The following JMJD1C variants were observed in gnomAD, a reference collection of about 807,000 sequenced individuals.
JMJD1C encodes jumonji domain containing 1C.
JMJD1C carries 31 observed loss-of-function variants against 245.3 expected under a neutral mutation model. That is an observed-to-expected ratio of 0.13 (90% CI 0.09 to 0.17). The LOEUF is 0.17. Among genes scored for constraint, JMJD1C ranks in the 10% least tolerant of loss-of-function variants. The probability of loss-of-function intolerance (pLI) is 1.00; values close to 1 mark genes in which losing one functional copy is unlikely to be tolerated. For missense variants in JMJD1C, 2,691 were observed against 3,000.2 expected (o/e 0.90, Z 2.41); for synonymous variants, 1,057 against 1,017.4 (o/e 1.04, Z -0.74).
intron 3 of JMJD1C, among the ~76,000 whole-genome samples, chr10:63,255,012 C>T (rs2133676573): frequency 6.6e-6 from 1 of 152,052 alleles, no homozygotes; most frequent in East Asian, 1.9e-4. Flanking sequence ...CACCACCATG[C>T]CCTGCTAATT....
chr10:63,357,920 T>C (rs557573559), intron 2 of JMJD1C, among the ~76,000 whole-genome samples: 6 of 134,210 alleles, frequency 4.5e-5, no homozygotes, highest in East Asian at 4.6e-4. Flanking sequence ...CAAAACAGAC[T>C]TCCCCTGCCA....
chr10:63,217,158 T>G (rs1466557475), intron 5 of JMJD1C, 49 bp downstream of exon 5: 1 of 1,532,182 alleles, frequency 6.5e-7, no homozygotes, highest in Non-Finnish European at 8.9e-7. Context: ...GGGGCATGGA[T>G]GATTTGAACT....
intron 24 of JMJD1C, among the ~76,000 whole-genome samples, chr10:63,175,239 T>C (rs959287708): frequency 4.6e-5 from 7 of 152,190 alleles, no homozygotes; most frequent in Non-Finnish European, 8.8e-5. Context: ...AAAGAAATGG[T>C]GTATAGGGTG....
At chr10:63,314,738 C>T (rs1162779583) in intron 2 of JMJD1C, among the ~76,000 whole-genome samples, 1 of 151,944 alleles carries the variant, frequency 6.6e-6, no homozygotes, top group Non-Finnish European at 1.5e-5. Context: ...ACCTCCACCA[C>T]CTGGGTTCAA....
chr10:63,318,708 T>C lies in JMJD1C; in HGVS notation c.334-53944A>G, dbSNP rs1004154824. Reference sequence around the variant, plus strand: ...AAAAAGTTTCTTTGGCATAGATAATTTGAGAAGTACTGACCTAGACTTTTA... The same window carrying C: ...AAAAAGTTTCTTTGGCATAGATAATCTGAGAAGTACTGACCTAGACTTTTA... On this transcript the variant is annotated intron_variant, in intron 2 of 25. Coordinates refer to ENST00000399262, the MANE Select transcript of JMJD1C (RefSeq NM_032776.3). Among the ~76,000 whole-genome samples the C allele has an allele frequency of 7.9e-5, 12 of 152,298 alleles. No individual in the cohort carries two copies. In the South Asian group the frequency reaches 2.3e-3, roughly 29 times the overall value.
chr10:63,209,335 T>C, intron 8 of JMJD1C, 100 bp from the exon 9 acceptor site: 1 of 903,764 alleles, frequency 1.1e-6, no homozygotes, highest in Admixed American at 3.6e-5. Flanking sequence ...TGGTGGTTTA[T>C]TAGTTCATTC....
chr10:63,391,063 T>G (rs1948014549), intron 1 of JMJD1C, among the ~76,000 whole-genome samples: 1 of 152,148 alleles, frequency 6.6e-6, no homozygotes, highest in African/African-American at 2.4e-5. Flanking sequence ...GTGTCCCTCT[T>G]TGAGAATAAT....
intron 2 of JMJD1C, among the ~76,000 whole-genome samples, chr10:63,303,585 C>T (rs1196505941): frequency 6.6e-6 from 1 of 152,120 alleles, no homozygotes; most frequent in Non-Finnish European, 1.5e-5. Flanking sequence ...ATATTACAGG[C>T]GTGATCCACC....
intron 2 of JMJD1C, among the ~76,000 whole-genome samples, chr10:63,327,934 T>C (rs963828581): frequency 1.3e-5 from 2 of 152,014 alleles, no homozygotes; most frequent in Non-Finnish European, 2.9e-5. Context: ...CCTCCCAAAG[T>C]ACTGGGATTA....
intron 1 of JMJD1C, among the ~76,000 whole-genome samples, chr10:63,428,715 A>G (rs997690021): frequency 6.6e-6 from 1 of 152,238 alleles, no homozygotes; most frequent in Non-Finnish European, 1.5e-5. Flanking sequence ...AAAAACAATA[A>G]GGGCAAGAAA....
intron 2 of JMJD1C, among the ~76,000 whole-genome samples, chr10:63,329,532 A>G (rs546994200): frequency 6.6e-6 from 1 of 151,986 alleles, no homozygotes; most frequent in Non-Finnish European, 1.5e-5. Context: ...GGCCAACACA[A>G]AAACACTAAA....
intron 1 of JMJD1C, among the ~76,000 whole-genome samples, chr10:63,404,973 G>GT (rs1949082757): frequency 6.6e-6 from 1 of 152,150 alleles, no homozygotes; most frequent in Admixed American, 6.5e-5. Context: ...CAGCTGCAAT[G>GT]TTTAAGGATC....
rs540823092 is a variant in JMJD1C at position 63,337,259 on chromosome 10, T to C, written c.333+43059A>G. ...GCACTTGAGACCAGCCTGGTCAATA[T>C]GGTGAAACCCCATGTCTACTGAAAA... On this transcript the variant is annotated intron_variant, in intron 2 of 25. Coordinates refer to ENST00000399262, the MANE Select transcript of JMJD1C (RefSeq NM_032776.3). Among the ~76,000 whole-genome samples the C allele has an allele frequency of 2.0e-3, 303 of 150,394 alleles. 1 individual carries two copies. The highest frequency in any genetic ancestry group is 7.2e-3 in the African/African-American group (294 of 40,866).
chr10:63,359,295 G>T (rs1234207712), intron 2 of JMJD1C, among the ~76,000 whole-genome samples: 1 of 152,160 alleles, frequency 6.6e-6, no homozygotes, highest in Non-Finnish European at 1.5e-5. Context: ...TTTCTAAGCT[G>T]TTGTGCACAT....
At chr10:63,486,578 A>G (rs998544606) in intron 1 of JMJD1C, among the ~76,000 whole-genome samples, 1 of 152,084 alleles carries the variant, frequency 6.6e-6, no homozygotes, top group Admixed American at 6.6e-5. Context: ...ACTATGGGCA[A>G]TTAAAAATGT....
chr10:63,357,982 G>C (rs1184222023), intron 2 of JMJD1C, among the ~76,000 whole-genome samples: 1 of 151,044 alleles, frequency 6.6e-6, no homozygotes, highest in East Asian at 1.9e-4. Flanking sequence ...TAGAACACAT[G>C]TAGACGTGGC....
At chr10:63,414,678 AG>A (rs1179705371) in intron 1 of JMJD1C, among the ~76,000 whole-genome samples, 9 of 152,138 alleles carry the variant, frequency 5.9e-5, no homozygotes, top group Non-Finnish European at 1.2e-4. Context: ...ACTTGAGGTC[AG>A]GAATTCAAGA....
intron 1 of JMJD1C, among the ~76,000 whole-genome samples, chr10:63,420,529 A>G (rs1425732302): frequency 6.8e-6 from 1 of 147,536 alleles, no homozygotes; most frequent in Non-Finnish European, 1.5e-5. Flanking sequence ...ACATGGCAAA[A>G]CCCCGTCTTC....
chr10:63,200,353 T>C, intron 11 of JMJD1C, 123 bp downstream of exon 11: 1 of 703,284 alleles, frequency 1.4e-6, no homozygotes. Flanking sequence ...TTATAATGTT[T>C]CCAAAACATG....
Sources: allele counts gnomAD v4.1 joint callset (sites outside exome capture counted in the v4.1 genomes callset), GRCh38; gene constraint gnomAD v4.1.1; transcripts MANE v1.5; gene names NCBI Gene and HGNC (gene_info 2026-07-23, HGNC 2026-07-21).